The following EXOC6 variants were observed in gnomAD, a reference collection of about 807,000 sequenced individuals.
EXOC6 encodes the protein exocyst complex component 6.
In EXOC6, 60 loss-of-function variants were observed where a neutral mutation model predicts 112.5. The observed-to-expected ratio is 0.53, with a 90% CI of 0.43 to 0.66. The LOEUF is 0.66. EXOC6 is among the 30% of genes least tolerant of loss of function. The probability of loss-of-function intolerance (pLI) is 0.00; values close to 1 mark genes in which losing one functional copy is unlikely to be tolerated. For missense variants in EXOC6, 855 were observed against 957.1 expected (o/e 0.89, Z 1.41); for synonymous variants, 295 against 308.0 (o/e 0.96, Z 0.44).
intron 13 of EXOC6, among the ~76,000 whole-genome samples, chr10:92,943,252 T>G (rs537106740): frequency 6.6e-6 from 1 of 152,256 alleles, no homozygotes; most frequent in African/African-American, 2.4e-5. Context: ...TCTCCTGACC[T>G]TGTGATGTAC....
At chr10:92,885,795 C>A (rs142549861) in intron 1 of EXOC6, among the ~76,000 whole-genome samples, 5 of 152,152 alleles carry the variant, frequency 3.3e-5, no homozygotes, top group South Asian at 2.1e-4. Flanking sequence ...GCTAACCCCC[C>A]CCTCTTTTTT....
chr10:92,903,818 A>T (rs1008105244), intron 5 of EXOC6, among the ~76,000 whole-genome samples: 4 of 152,068 alleles, frequency 2.6e-5, no homozygotes, highest in Non-Finnish European at 5.9e-5. Flanking sequence ...TATTTACCAG[A>T]GTCCATAGTT....
At chr10:92,970,993 T>C (rs1409162074) in intron 17 of EXOC6, among the ~76,000 whole-genome samples, 1 of 152,252 alleles carries the variant, frequency 6.6e-6, no homozygotes. Context: ...ATTTATATTG[T>C]GGATCAAGTC....
chr10:92,994,284 T>C (rs2134166286), intron 18 of EXOC6, among the ~76,000 whole-genome samples: 1 of 152,324 alleles, frequency 6.6e-6, no homozygotes. Flanking sequence ...GGGAATTTCC[T>C]AGGAGCCAAA....
intron 19 of EXOC6, among the ~76,000 whole-genome samples, chr10:93,006,737 T>C (rs1189753659): frequency 6.6e-6 from 1 of 152,200 alleles, no homozygotes; most frequent in African/African-American, 2.4e-5. Context: ...AAACTTGAGT[T>C]CTTACTAGCT....
chr10:93,002,726 T>C (rs867870218), intron 19 of EXOC6, among the ~76,000 whole-genome samples: 4 of 152,344 alleles, frequency 2.6e-5, no homozygotes, highest in Middle Eastern at 3.4e-3. Context: ...ATGAGCAGCT[T>C]CTGTCAGAAG....
chr10:92,881,443 T>C (rs564569617), intron 1 of EXOC6, among the ~76,000 whole-genome samples: 1 of 152,354 alleles, frequency 6.6e-6, no homozygotes, highest in South Asian at 2.1e-4. Flanking sequence ...TTCTTGCCTC[T>C]CTGAAGAATA....
At chr10:92,979,969 C>G (rs927024041) in intron 18 of EXOC6, among the ~76,000 whole-genome samples, 1 of 150,644 alleles carries the variant, frequency 6.6e-6, no homozygotes, top group Non-Finnish European at 1.5e-5. Flanking sequence ...CTGCATTTTT[C>G]TGTGCTGTAG....
chr10:92,975,173 C>G (rs1396210148), intron 18 of EXOC6, among the ~76,000 whole-genome samples: 1 of 151,666 alleles, frequency 6.6e-6, no homozygotes, highest in Non-Finnish European at 1.5e-5. Flanking sequence ...GCGTCTCTGC[C>G]TGGCCGCCCA....
intron 17 of EXOC6, among the ~76,000 whole-genome samples, chr10:92,970,524 A>G (rs531595403): frequency 1.3e-5 from 2 of 152,346 alleles, no homozygotes; most frequent in African/African-American, 4.8e-5. Flanking sequence ...TAAGTTAACT[A>G]TTTTGAGTCA....
At chr10:93,032,039 C>G (rs988588118) in intron 20 of EXOC6, among the ~76,000 whole-genome samples, 1 of 152,154 alleles carries the variant, frequency 6.6e-6, no homozygotes, top group Non-Finnish European at 1.5e-5. Context: ...ATAGGGAAAT[C>G]TGTTATGAAT....
intron 1 of EXOC6, among the ~76,000 whole-genome samples, chr10:92,892,701 TC>T (rs1411724836): frequency 6.6e-6 from 1 of 152,114 alleles, no homozygotes; most frequent in Non-Finnish European, 1.5e-5. Context: ...AGGGGTACGC[TC>T]TCTGTGGAGA....
At chr10:93,050,999 AAATT>A (rs1394040091) in intron 20 of EXOC6, among the ~76,000 whole-genome samples, 3 of 152,124 alleles carry the variant, frequency 2.0e-5, no homozygotes, top group Non-Finnish European at 4.4e-5. Flanking sequence ...GTATTTGATA[AAATT>A]AATTTTAATA....
chr10:93,033,624 G>A (rs982290182), intron 20 of EXOC6, among the ~76,000 whole-genome samples: 4 of 152,120 alleles, frequency 2.6e-5, no homozygotes, highest in African/African-American at 7.2e-5. Context: ...CTTAAAACCC[G>A]TTTGGAACAA....
At chr10:92,853,633 A>G (rs916863556) in intron 1 of EXOC6, among the ~76,000 whole-genome samples, 1 of 152,242 alleles carries the variant, frequency 6.6e-6, no homozygotes, top group Non-Finnish European at 1.5e-5. Flanking sequence ...GCAATTCAGT[A>G]GAAAGAGATA....
intron 5 of EXOC6, among the ~76,000 whole-genome samples, chr10:92,902,067 T>C (rs896794190): frequency 3.3e-5 from 5 of 150,806 alleles, no homozygotes; most frequent in African/African-American, 1.2e-4. Flanking sequence ...GTGGACTTAT[T>C]ACACACACAC....
chr10:92,982,545 C>G (rs1201208523), intron 18 of EXOC6, among the ~76,000 whole-genome samples: 1 of 149,290 alleles, frequency 6.7e-6, no homozygotes, highest in Non-Finnish European at 1.5e-5. Flanking sequence ...TACTAGCACA[C>G]CACTAAATAA....
intron 1 of EXOC6, among the ~76,000 whole-genome samples, chr10:92,875,941 A>G (rs983327849): frequency 2.0e-5 from 3 of 152,094 alleles, no homozygotes; most frequent in African/African-American, 7.2e-5. Context: ...ACACATGTAT[A>G]TATAAAAATC....
Position 93,058,762 on chromosome 10 carries a change from T to A in EXOC6, c.*407T>A, listed in dbSNP as rs939799799. 3.3e-5 allele frequency: 5 copies of A among 152,668 alleles called. No individual in the cohort carries two copies. The highest frequency in any genetic ancestry group is 1.2e-4 in the African/African-American group (5 of 41,472). The allele number at this position is 152,668 out of a possible 1,614,324, so 9.5% of individuals were successfully genotyped here. A position where few individuals can be genotyped will look rare whatever the true frequency, so the allele number is the denominator to read the frequency against. ...TCAATCATGTCTGATATGGTAGTAT[T>A]TCACTACCATTTTCTGACTTTTAGC... On this transcript the variant is annotated 3_prime_UTR_variant, in exon 22 of 22. Coordinates refer to ENST00000260762, the MANE Select transcript of EXOC6 (RefSeq NM_019053.6).
Sources: gnomAD v4.1 joint callset for allele counts (sites outside exome capture counted in the v4.1 genomes callset) on GRCh38, gnomAD v4.1.1 for gene constraint, MANE v1.5 for transcripts, NCBI Gene and HGNC (gene_info 2026-07-23, HGNC 2026-07-21) for gene names.